NAV3: variants seen among roughly 807,000 people sequenced by gnomAD.
The protein encoded by NAV3 is pore membrane and/or filament interacting like protein 1.
Under a neutral mutation model 244.7 loss-of-function variants are expected in NAV3, and 87 were observed. The ratio of observed to expected loss-of-function variants is 0.36; its 90% CI spans 0.30 to 0.42. NAV3 has a LOEUF of 0.42. NAV3 is among the 20% of genes least tolerant of loss of function. The pLI is 1.00. For missense variants in NAV3, 2,663 were observed against 2,893.3 expected, an observed-to-expected ratio of 0.92 and a Z score of 1.83; for synonymous variants, 1,126 against 1,042.2, an observed-to-expected ratio of 1.08 and a Z score of -1.55.
At chr12:77,764,626 G>A (rs1232869770) in intron 2 of NAV3, among the ~76,000 whole-genome samples, 1 of 152,188 alleles carries the variant, frequency 6.6e-6, no homozygotes, top group Non-Finnish European at 1.5e-5. Flanking sequence ...TCAAAAGAGA[G>A]CCTCGTTTAA....
intron 2 of NAV3, among the ~76,000 whole-genome samples, chr12:77,777,976 T>C (rs1870454414): frequency 6.6e-6 from 1 of 152,042 alleles, no homozygotes; most frequent in Non-Finnish European, 1.5e-5. Context: ...GGGCTAATTT[T>C]TTGTATCTTA....
rs781156654 is a variant in NAV3, at chr12:78,007,301, C to A, written c.1763C>A (p.Ala588Asp). The change falls in exon 8 of 40, where the codon GCT becomes GAT. Residue 588 changes from alanine to aspartate, a missense_variant. This residue lies in a region of NAV3 where 1,521 missense variants were observed against 1,497.0 expected (regional missense o/e 1.02). Transcript: ENST00000397909. ...SCPAPLEGRE[A>D]GQASPSGSCT... Reference sequence around the variant, plus strand: ...CCTGCCCCTTTGGAAGGAAGGGAAGCTGGCCAAGCTTCTCCTTCTGGTTCC... The same window carrying A: ...CCTGCCCCTTTGGAAGGAAGGGAAGATGGCCAAGCTTCTCCTTCTGGTTCC... 4 of 1,614,204 alleles carry A rather than the reference C, an allele frequency of 2.5e-6. No individual in the cohort carries two copies. The highest frequency in any genetic ancestry group is 1.7e-5 in the Admixed American group (1 of 60,034).
intron 2 of NAV3, among the ~76,000 whole-genome samples, chr12:77,603,543 A>G (rs1199181458): frequency 6.6e-6 from 1 of 152,076 alleles, no homozygotes; most frequent in Non-Finnish European, 1.5e-5. Flanking sequence ...ACATTTTAGT[A>G]CACTGGTATA....
At chr12:77,628,306 A>G (rs1871728457) in intron 2 of NAV3, among the ~76,000 whole-genome samples, 1 of 152,074 alleles carries the variant, frequency 6.6e-6, no homozygotes, top group Non-Finnish European at 1.5e-5. Flanking sequence ...ATATTTTAAC[A>G]CCCCAAAATA....
intron 20 of NAV3, among the ~76,000 whole-genome samples, chr12:78,144,688 G>C (rs1956777913): frequency 6.6e-6 from 1 of 151,628 alleles, no homozygotes; most frequent in Admixed American, 6.6e-5. Context: ...AATGCGGTGA[G>C]TATATTTCTT....
rs781151076 is a variant in NAV3 at position 77,831,722 on chromosome 12, C to T, written c.243+18C>T. On this transcript the variant is annotated intron_variant, in intron 1 of 39. Transcript: ENST00000397909. ...ACAGCAAGGTTAGTTGCTGAAGTTA[C>T]CTGCAGACTTGTGTAGCTAAAATGC... 9 of 1,579,974 alleles carry T rather than the reference C, an allele frequency of 5.7e-6. No individual in the cohort carries two copies. The highest frequency in any genetic ancestry group is 4.5e-5 in the East Asian group (2 of 44,658).
chr12:77,851,597 T>G (rs1482259196), intron 1 of NAV3, among the ~76,000 whole-genome samples: 2 of 152,180 alleles, frequency 1.3e-5, no homozygotes, highest in African/African-American at 4.8e-5. Context: ...CTTGTAATAA[T>G]GATTGTCGTT....
chr12:77,619,906 G>C (rs1050658595), intron 2 of NAV3, among the ~76,000 whole-genome samples: 72 of 151,936 alleles, frequency 4.7e-4, no homozygotes, highest in African/African-American at 1.7e-3. Context: ...CACACAGACA[G>C]TCTTTGGAAA....
At chr12:77,946,139 A>G (rs945461698) in intron 3 of NAV3, among the ~76,000 whole-genome samples, 4 of 148,400 alleles carry the variant, frequency 2.7e-5, no homozygotes, top group African/African-American at 9.8e-5. Context: ...ATATACACAT[A>G]TATGTACATA....
intron 2 of NAV3, among the ~76,000 whole-genome samples, chr12:77,645,344 T>C (rs1320007304): frequency 6.6e-6 from 1 of 151,942 alleles, no homozygotes; most frequent in African/African-American, 2.4e-5. Flanking sequence ...ACTTTAACTC[T>C]GTTTCAAATT....
chr12:78,184,517 CTCTAAAAGT>C (rs1337044794), intron 30 of NAV3, among the ~76,000 whole-genome samples: 5 of 151,776 alleles, frequency 3.3e-5, no homozygotes, highest in African/African-American at 7.2e-5. Context: ...TATTGCAAAG[CTCTAAAAGT>C]TCTAAAAGTT....
chr12:77,905,712 T>A lies in NAV3; in HGVS notation c.244-34607T>A, dbSNP rs141190540. 9.9e-4 allele frequency among the ~76,000 whole-genome samples: 151 copies of A among 152,316 alleles called. 2 individuals are homozygous for A. The highest frequency in any genetic ancestry group is 6.8e-3 in the Middle Eastern group (2 of 294). ...TACAACCCACAATCCAGGAATAGTA[T>A]GTTTAGCTTTTGTAATAGTAATTAT... On this transcript the variant is annotated intron_variant, in intron 1 of 39. Coordinates refer to ENST00000397909, the MANE Select transcript of NAV3 (RefSeq NM_001024383.2).
intron 2 of NAV3, among the ~76,000 whole-genome samples, chr12:77,799,594 C>T (rs1871596531): frequency 6.6e-6 from 1 of 152,188 alleles, no homozygotes; most frequent in South Asian, 2.1e-4. Context: ...GTGTGTCACA[C>T]ACTGTGCTGA....
At chr12:77,648,878 G>A (rs191970921) in intron 2 of NAV3, among the ~76,000 whole-genome samples, 3 of 152,138 alleles carry the variant, frequency 2.0e-5, no homozygotes, top group Admixed American at 6.6e-5. Flanking sequence ...TGCTCTGATT[G>A]TAACATGTAT....
chr12:77,970,589 G>T (rs1039869270), intron 5 of NAV3, among the ~76,000 whole-genome samples: 1 of 151,948 alleles, frequency 6.6e-6, no homozygotes, highest in African/African-American at 2.4e-5. Flanking sequence ...AAGTGATGGG[G>T]GATATTTTTT....
chr12:77,679,676 A>C (rs1475948732), intron 2 of NAV3, among the ~76,000 whole-genome samples: 1 of 152,190 alleles, frequency 6.6e-6, no homozygotes, highest in East Asian at 1.9e-4. Context: ...CAACTAGTGG[A>C]AGAAGAGAAT....
intron 1 of NAV3, among the ~76,000 whole-genome samples, chr12:77,861,997 T>C (rs1879325035): frequency 6.6e-6 from 1 of 151,824 alleles, no homozygotes; most frequent in East Asian, 1.9e-4. Context: ...GTCAAGAAGG[T>C]ATTCCACACA....
intron 6 of NAV3, among the ~76,000 whole-genome samples, chr12:77,996,259 C>G (rs1872331303): frequency 6.6e-6 from 1 of 152,158 alleles, no homozygotes; most frequent in Admixed American, 6.5e-5. Context: ...GATTAGGACA[C>G]TTGGCCAAAT....
chr12:77,743,241 T>A (rs1450821590), intron 2 of NAV3, among the ~76,000 whole-genome samples: 1 of 151,978 alleles, frequency 6.6e-6, no homozygotes, highest in Non-Finnish European at 1.5e-5. Flanking sequence ...GCATATAACA[T>A]ACGAAATATG....
Sources: allele counts gnomAD v4.1 joint callset (sites outside exome capture counted in the v4.1 genomes callset), GRCh38; gene constraint gnomAD v4.1.1; regional missense constraint gnomAD v4.1.1; transcripts MANE v1.5; gene names NCBI Gene and HGNC (gene_info 2026-07-23, HGNC 2026-07-21).